Variants in XRCC5 observed in about 807,000 individuals in gnomAD.
The protein encoded by XRCC5 is X-ray repair cross complementing 5.
In XRCC5, 12 loss-of-function variants were observed where a neutral mutation model predicts 95.7. That is an observed-to-expected ratio of 0.13 (90% confidence interval 0.08 to 0.20). The LOEUF (loss-of-function observed/expected upper bound fraction) is 0.20, where lower values mean the gene tolerates loss of function less well. XRCC5 is among the 10% of genes least tolerant of loss of function. The pLI is 1.00. For synonymous variants in XRCC5, 281 were observed against 290.3 expected (o/e 0.97, Z 0.33); for missense variants, 595 against 873.9 (o/e 0.68, Z 4.02).
intron 14 of XRCC5, among the ~76,000 whole-genome samples, chr2:216,157,946 T>C (rs1688877856): frequency 6.6e-6 from 1 of 152,190 alleles, no homozygotes; most frequent in African/African-American, 2.4e-5. Flanking sequence ...ATGAATTTAG[T>C]GTATGCAAAA....
chr2:216,187,786 GACACACACAC>G (rs149998611), intron 16 of XRCC5, among the ~76,000 whole-genome samples: 24 of 64,538 alleles, frequency 3.7e-4, no homozygotes, highest in African/African-American at 1.4e-3. Flanking sequence ...ATGAACTCCT[GACACACACAC>G]ACACACACAC....
chr2:216,190,284 T>C lies in XRCC5; in HGVS notation c.1894T>C (p.Phe632Leu). The change falls in exon 17 of 21, where the codon TTT becomes CTT. Residue 632 changes from phenylalanine to leucine, a missense_variant. Physicochemically the swap from Phe to Leu is conservative, Grantham distance 22. This residue lies in a region of XRCC5 where 309 missense variants were observed against 382.9 expected (regional missense o/e 0.81). Coordinates refer to ENST00000392132, the MANE Select transcript of XRCC5 (RefSeq NM_021141.4). ...QFLDTNETPYFMKSIDCIRAF... is the reference protein window; with the variant it reads ...QFLDTNETPYLMKSIDCIRAF... ...TTTGGATACTAATGAAACACCGTAT[T>C]TTATGAAGAGCATAGACTGCATCCG... 3 of 1,614,052 alleles carry C rather than the reference T, an allele frequency of 1.9e-6. No individual in the cohort carries two copies. The highest frequency in any genetic ancestry group is 2.5e-6 in the Non-Finnish European group (3 of 1,179,952).
intron 1 of XRCC5, 63 bp from the exon 2 acceptor site, chr2:216,112,953 A>G: frequency 7.9e-7 from 1 of 1,260,470 alleles, no homozygotes; most frequent in Non-Finnish European, 1.1e-6. Context: ...TAAGCAAGGG[A>G]CATTCTTACA....
chr2:216,200,443 C>T (rs1689815140), intron 19 of XRCC5, among the ~76,000 whole-genome samples: 1 of 152,070 alleles, frequency 6.6e-6, no homozygotes, highest in African/African-American at 2.4e-5. Context: ...TTTGCTAGTA[C>T]AAGAAAAGTA....
chr2:216,172,183 T>C (rs751986594), intron 16 of XRCC5, among the ~76,000 whole-genome samples: 10 of 152,184 alleles, frequency 6.6e-5, no homozygotes, highest in Admixed American at 2.0e-4. Context: ...AATAACCCGG[T>C]GGTGGAACAT....
intron 14 of XRCC5, among the ~76,000 whole-genome samples, chr2:216,154,108 A>G (rs1156469215): frequency 2.6e-5 from 4 of 152,238 alleles, no homozygotes; most frequent in African/African-American, 9.6e-5. Context: ...TCTGGTGGCT[A>G]ATGGCATTGA....
chr2:216,113,273 C>T (rs1696626103), intron 2 of XRCC5, 144 bp downstream of exon 2: 2 of 618,274 alleles, frequency 3.2e-6, no homozygotes, highest in African/African-American at 1.9e-5. Context: ...CATGTACTCA[C>T]ATACAACTTC....
At chr2:216,188,323 A>C (rs1689545904) in intron 16 of XRCC5, among the ~76,000 whole-genome samples, 1 of 152,196 alleles carries the variant, frequency 6.6e-6, no homozygotes, top group South Asian at 2.1e-4. Context: ...ATTATTTCCC[A>C]GTGTTAATTT....
intron 2 of XRCC5, among the ~76,000 whole-genome samples, chr2:216,115,535 ATTG>A (rs3836038): frequency 0.34 from 51,391 of 151,952 alleles, 10,409 homozygotes; most frequent in South Asian, 0.52. Flanking sequence ...ACAACTGGGA[ATTG>A]TTGTGTTGTT....
chr2:216,123,176 G>A (rs779184658), intron 6 of XRCC5, among the ~76,000 whole-genome samples: 2 of 152,174 alleles, frequency 1.3e-5, no homozygotes, highest in Non-Finnish European at 2.9e-5. Flanking sequence ...CATTGAAGTA[G>A]TGATTGAACA....
At chr2:216,196,688 C>T (rs772953275) in intron 19 of XRCC5, among the ~76,000 whole-genome samples, 5 of 152,178 alleles carry the variant, frequency 3.3e-5, no homozygotes, top group Non-Finnish European at 5.9e-5. Context: ...AAGCAGAAAC[C>T]TCAGCTTTTG....
At chr2:216,132,301 A>C in intron 9 of XRCC5, 24 bp from the exon 10 acceptor site, 2 of 1,611,574 alleles carry the variant, frequency 1.2e-6, no homozygotes, top group Non-Finnish European at 1.7e-6. Flanking sequence ...TTGGATCAAA[A>C]GCAATTCTTT....
At position 216,168,557 on chromosome 2, in the gene XRCC5, G is replaced by A. The variant is rs375760596; in HGVS notation, c.1834+6509G>A. Among the ~76,000 whole-genome samples the A allele has an allele frequency of 6.6e-5, 10 of 152,270 alleles. No individual in the cohort carries two copies. In the South Asian group the frequency reaches 2.1e-3, roughly 32 times the overall value. On this transcript the variant is annotated intron_variant, in intron 16 of 20. Transcript: ENST00000392132. ...TACCCAGCCTTTAAAATCCTTTTAA[G>A]TTCCTGTCAATCTGTATCAGAATAT...
rs1445538322 is a variant in XRCC5, at chr2:216,127,616, A to T, written c.879A>T (p.Thr293=). ...AAAAAGAAGATATACAAAAAGAAAC[A>T]GTTTATTGCTTAAATGATGATGATG... ...TLKKEDIQKE[T]VYCLNDDDET... is the part of the protein sequence containing the mutation. Residue 293 remains threonine, a synonymous_variant, in exon 8 of 21, where the codon ACA becomes ACT. Transcript: ENST00000392132. The T allele has an allele frequency of 5.0e-6, 8 of 1,612,394 alleles. No individual in the cohort carries two copies. The South Asian group carries it at 8.8e-5, about 18-fold the overall frequency.
rs1429100806 is a variant in XRCC5, at chr2:216,109,405, A to G, written c.-32A>G. On this transcript the variant is annotated 5_prime_UTR_variant, in exon 1 of 21. Coordinates refer to ENST00000392132, the MANE Select transcript of XRCC5 (RefSeq NM_021141.4). ...GCGACACGGCAGGTTCCCGCCCGGA[A>G]GAAGCGACCAAAGCGCCTGAGGACC... The G allele has an allele frequency of 6.2e-7, 1 of 1,613,774 alleles. No homozygotes were observed. The highest frequency in any genetic ancestry group is 8.5e-7 in the Non-Finnish European group (1 of 1,179,822).
In XRCC5 at chr2:216,194,966, A is replaced by G. The variant is rs751798207; in HGVS notation, c.2089A>G (p.Thr697Ala). 4.3e-6 allele frequency: 7 copies of G among 1,614,186 alleles called. No homozygotes were observed. The South Asian group carries it at 7.7e-5, about 18-fold the overall frequency. Residue 697 changes from threonine to alanine, a missense_variant, in exon 19 of 21, where the codon ACA (threonine) becomes GCA (alanine). Around this residue, in one of 2 missense-constraint regions of XRCC5, gnomAD observed 309 missense variants for 382.9 expected, o/e 0.81. Coordinates refer to ENST00000392132, the MANE Select transcript of XRCC5 (RefSeq NM_021141.4). ...AGAGGAAGCCTCTGGAAGTTCTGTC[A>G]CAGCTGAGGAAGCCAAAAAGGTATT... ...TKEEASGSSV[T>A]AEEAKKFLAP...
At chr2:216,167,690 T>G (rs890267361) in intron 16 of XRCC5, among the ~76,000 whole-genome samples, 1 of 151,716 alleles carries the variant, frequency 6.6e-6, no homozygotes, top group African/African-American at 2.4e-5. Flanking sequence ...CCCAGATAGA[T>G]AAGAAGATAA....
chr2:216,159,051 A>G (rs1217958113), intron 14 of XRCC5, among the ~76,000 whole-genome samples: 1 of 152,218 alleles, frequency 6.6e-6, no homozygotes, highest in East Asian at 1.9e-4. Context: ...AATGCATATG[A>G]TAATTAGCTT....
At chr2:216,133,854 C>G (rs1697029864) in intron 10 of XRCC5, among the ~76,000 whole-genome samples, 1 of 152,060 alleles carries the variant, frequency 6.6e-6, no homozygotes, top group Admixed American at 6.6e-5. Flanking sequence ...TCCAGTAAAA[C>G]AAAACAAAAG....
Sources: allele counts gnomAD v4.1 joint callset (sites outside exome capture counted in the v4.1 genomes callset), GRCh38; gene constraint gnomAD v4.1.1; regional missense constraint gnomAD v4.1.1; transcripts MANE v1.5; gene names NCBI Gene and HGNC (gene_info 2026-07-23, HGNC 2026-07-21).